EIF4G3: variants seen among roughly 807,000 people sequenced by gnomAD.
EIF4G3 encodes the protein eIF-4-gamma 3.
Under a neutral mutation model 186.4 loss-of-function variants are expected in EIF4G3, and 34 were observed. That is an observed-to-expected ratio of 0.18 (90% CI 0.14 to 0.24). EIF4G3 has a LOEUF of 0.24. Among genes scored for constraint, EIF4G3 ranks in the 10% least tolerant of loss-of-function variants. The probability of loss-of-function intolerance (pLI) is 1.00; values close to 1 mark genes in which losing one functional copy is unlikely to be tolerated. For synonymous variants in EIF4G3, 673 were observed against 679.5 expected (o/e 0.99, Z 0.15); for missense variants, 1,536 against 1,948.5 (o/e 0.79, Z 3.99).
chr1:20,831,654 T>A (rs1221204318), intron 30 of EIF4G3, among the ~76,000 whole-genome samples: 2 of 151,828 alleles, frequency 1.3e-5, no homozygotes, highest in African/African-American at 4.8e-5. Context: ...CATGTGCACA[T>A]TGTGCAGGTT....
At chr1:20,918,701 C>CCTT (rs747201752) in intron 14 of EIF4G3, among the ~76,000 whole-genome samples, 3 of 94,888 alleles carry the variant, frequency 3.2e-5, no homozygotes, top group Admixed American at 1.3e-4. Context: ...CTCCTAGTAT[C>CCTT]TTTTTTTTTT....
chr1:20,917,743 T>C (rs926962591), intron 14 of EIF4G3, among the ~76,000 whole-genome samples: 1 of 152,200 alleles, frequency 6.6e-6, no homozygotes, highest in Non-Finnish European at 1.5e-5. Context: ...AAATATTTTA[T>C]GTGTACATTA....
intron 7 of EIF4G3, 98 bp from the exon 8 acceptor site, chr1:20,982,506 A>G (rs948697396): frequency 1.3e-6 from 1 of 750,978 alleles, no homozygotes; most frequent in African/African-American, 1.8e-5. Flanking sequence ...CATGCAGCTC[A>G]ACAAAAATAT....
chr1:21,146,977 G>A (rs1388176875), intron 2 of EIF4G3, among the ~76,000 whole-genome samples: 1 of 151,882 alleles, frequency 6.6e-6, no homozygotes, highest in Non-Finnish European at 1.5e-5. Context: ...GAAATTTCAG[G>A]ATTTGGGCGG....
At position 20,962,022 on chromosome 1, in the gene EIF4G3, T is replaced by A. The variant is rs139969616; in HGVS notation, c.714+7452A>T. On this transcript the variant is annotated intron_variant, in intron 12 of 36. Coordinates refer to ENST00000602326, the MANE Select transcript of EIF4G3 (RefSeq NM_001391906.1). ...GGATTTGTTTACATTATACTAGGTATCACCTTCAAATTCTTCATGCAGGAA... is the reference window on the plus strand; with the variant it reads ...GGATTTGTTTACATTATACTAGGTAACACCTTCAAATTCTTCATGCAGGAA... Among the ~76,000 whole-genome samples the A allele has an allele frequency of 1.4e-3, 216 of 152,300 alleles. 4 individuals carry two copies. Among genetic ancestry groups the A allele is most frequent in the Admixed American group, 0.012 (183 of 15,296 alleles).
chr1:20,858,730 C>G (rs2075657206), intron 24 of EIF4G3, among the ~76,000 whole-genome samples: 2 of 152,174 alleles, frequency 1.3e-5, no homozygotes, highest in Non-Finnish European at 2.9e-5. Flanking sequence ...TGTGCGGTGG[C>G]TCACGCCTGT....
At chr1:20,822,066 C>T (rs927899174) in intron 33 of EIF4G3, among the ~76,000 whole-genome samples, 3 of 151,862 alleles carry the variant, frequency 2.0e-5, no homozygotes, top group Admixed American at 6.6e-5. Flanking sequence ...TTAGTAGAGA[C>T]GGGGATTCAC....
intron 33 of EIF4G3, among the ~76,000 whole-genome samples, chr1:20,817,978 C>G (rs540904704): frequency 6.6e-6 from 1 of 152,142 alleles, no homozygotes; most frequent in South Asian, 2.1e-4. Context: ...CCAACCTGTT[C>G]GTATTATAGT....
At chr1:21,053,756 C>T (rs1351956534) in intron 3 of EIF4G3, among the ~76,000 whole-genome samples, 15 of 147,392 alleles carry the variant, frequency 1.0e-4, no homozygotes, top group African/African-American at 2.8e-4. Context: ...CCGCCCCATC[C>T]GGGAGGTGAG....
At chr1:20,953,509 A>G (rs2096295162) in intron 12 of EIF4G3, among the ~76,000 whole-genome samples, 1 of 152,202 alleles carries the variant, frequency 6.6e-6, no homozygotes, top group Non-Finnish European at 1.5e-5. Flanking sequence ...CACATACTGG[A>G]GGAATTCATT....
chr1:21,168,160 T>G, intron 2 of EIF4G3: 1 of 405,520 alleles, frequency 2.5e-6, no homozygotes, highest in Non-Finnish European at 5.1e-6. Context: ...TCCCAACACT[T>G]TGGGAGGCTG....
intron 2 of EIF4G3, among the ~76,000 whole-genome samples, chr1:21,138,830 C>T (rs1188994457): frequency 6.6e-6 from 1 of 152,048 alleles, no homozygotes; most frequent in African/African-American, 2.4e-5. Context: ...GAAAAAAAAT[C>T]ACTTCCTCAT....
intron 19 of EIF4G3, among the ~76,000 whole-genome samples, chr1:20,885,013 G>A (rs895785419): frequency 9.9e-5 from 15 of 152,124 alleles, no homozygotes; most frequent in Non-Finnish European, 2.9e-5. Context: ...CATAAGGAGC[G>A]TGCAACCTAG....
chr1:21,134,379 A>G (rs2102552758), intron 2 of EIF4G3, among the ~76,000 whole-genome samples: 1 of 152,338 alleles, frequency 6.6e-6, no homozygotes, highest in East Asian at 1.9e-4. Flanking sequence ...ATAGAAATAC[A>G]CTGGGCTGGC....
chr1:20,819,347 T>C (rs2061752051), intron 33 of EIF4G3, among the ~76,000 whole-genome samples: 1 of 151,850 alleles, frequency 6.6e-6, no homozygotes, highest in South Asian at 2.1e-4. Flanking sequence ...AGACAGGGTC[T>C]TGCTCTTTCG....
chr1:20,872,358 T>C (rs1439828964), intron 20 of EIF4G3, among the ~76,000 whole-genome samples: 1 of 151,880 alleles, frequency 6.6e-6, no homozygotes, highest in Non-Finnish European at 1.5e-5. Flanking sequence ...ACTCCTAGGC[T>C]CAAGTGATCC....
At chr1:20,958,491 A>G (rs1033932257) in intron 12 of EIF4G3, among the ~76,000 whole-genome samples, 4 of 152,198 alleles carry the variant, frequency 2.6e-5, no homozygotes, top group African/African-American at 9.6e-5. Context: ...CAGGAACAAG[A>G]CAAGGATGCC....
intron 4 of EIF4G3, among the ~76,000 whole-genome samples, chr1:21,018,775 C>G (rs1461543738): frequency 6.6e-6 from 1 of 152,076 alleles, no homozygotes; most frequent in Admixed American, 6.6e-5. Context: ...AGCCTGTCAC[C>G]TGGTTCTCTC....
intron 2 of EIF4G3, among the ~76,000 whole-genome samples, chr1:21,153,190 C>G (rs565848782): frequency 6.6e-6 from 1 of 152,262 alleles, no homozygotes; most frequent in East Asian, 1.9e-4. Flanking sequence ...CTTTCGGCCA[C>G]TTTCAGGATG....
Sources: gnomAD v4.1 joint callset for allele counts (sites outside exome capture counted in the v4.1 genomes callset) on GRCh38, gnomAD v4.1.1 for gene constraint, MANE v1.5 for transcripts, NCBI Gene and HGNC (gene_info 2026-07-23, HGNC 2026-07-21) for gene names.